TEX11: variants seen among roughly 807,000 people sequenced by gnomAD.
TEX11 encodes testis-expressed protein 11.
In TEX11, 7 loss-of-function variants were observed where a neutral mutation model predicts 84.4. That is an observed-to-expected ratio of 0.08 (90% CI 0.05 to 0.16). TEX11 has a LOEUF of 0.16. Among genes scored for constraint, TEX11 ranks in the 10% least tolerant of loss-of-function variants. The pLI is 1.00. For missense variants in TEX11, 551 were observed against 660.5 expected (o/e 0.83, Z 1.82); for synonymous variants, 264 against 222.8 (o/e 1.18, Z -1.64).
intron 17 of TEX11, among the ~76,000 whole-genome samples, chrX:70,642,361 T>A (rs1447482512): frequency 9.0e-6 from 1 of 111,358 alleles, no homozygotes; most frequent in Non-Finnish European, 1.9e-5. Context: ...CCGGTACCAT[T>A]CCTTCTGAAA....
intron 17 of TEX11, among the ~76,000 whole-genome samples, chrX:70,650,547 T>C (rs1408043830): frequency 9.0e-6 from 1 of 111,573 alleles, no homozygotes; most frequent in African/African-American, 3.3e-5. Flanking sequence ...ATGATGAACA[T>C]GACAGCAATA....
At chrX:70,523,401 C>T in the TEX11 span, among the ~76,000 whole-genome samples, 9 of 111,662 alleles carry the variant, frequency 8.1e-5, no homozygotes, top group South Asian at 3.4e-3. Context: ...GATCGCTAAA[C>T]TGGTGTTTGT....
chrX:70,871,254 AT>A (rs1486679667), intron 4 of TEX11, among the ~76,000 whole-genome samples: 1 of 111,683 alleles, frequency 9.0e-6, no homozygotes, highest in East Asian at 2.8e-4. Flanking sequence ...ACTGCTCTTT[AT>A]TTTTTTCCTC....
chrX:70,790,028 G>T (rs141662564), intron 9 of TEX11, among the ~76,000 whole-genome samples: 1,799 of 112,301 alleles, frequency 0.016, 24 homozygotes, highest in African/African-American at 0.055. Flanking sequence ...AATAAGTCCA[G>T]CACGGAGAGT....
the TEX11 span, among the ~76,000 whole-genome samples, chrX:70,515,883 AT>A: frequency 8.9e-6 from 1 of 112,196 alleles, no homozygotes; most frequent in African/African-American, 3.2e-5. Flanking sequence ...GATGATGAGC[AT>A]TTTTTCATGT....
At chrX:70,544,616 G>C (rs2088090996) in intron 28 of TEX11, among the ~76,000 whole-genome samples, 1 of 107,857 alleles carries the variant, frequency 9.3e-6, no homozygotes, top group African/African-American at 3.4e-5. Flanking sequence ...GAGGCGGATG[G>C]ATCACTTGAG....
intron 8 of TEX11, among the ~76,000 whole-genome samples, chrX:70,829,699 G>C (rs775759732): frequency 9.1e-6 from 1 of 110,035 alleles, no homozygotes; most frequent in East Asian, 2.8e-4. Flanking sequence ...TTAAAGTGTA[G>C]AGTTTTTATT....
chrX:70,833,604 T>A lies in TEX11; in HGVS notation c.526-11A>T. On this transcript the variant is annotated splice_polypyrimidine_tract_variant and intron_variant, in intron 7 of 29. Coordinates refer to ENST00000374333, the MANE Select transcript of TEX11 (RefSeq NM_031276.3). ...CCCTTGAGCAACTGCCTGAAAAAGA[T>A]AAAGAATGTCAATAATTGGTTAAAA... The A allele has an allele frequency of 8.5e-7, 1 of 1,173,024 alleles. No individual in the cohort carries two copies. Among genetic ancestry groups the A allele is most frequent in the South Asian group, 1.8e-5 (1 of 54,086 alleles).
chrX:70,655,571 A>T (rs2089856752), intron 16 of TEX11, among the ~76,000 whole-genome samples: 1 of 111,790 alleles, frequency 8.9e-6, no homozygotes, highest in South Asian at 3.7e-4. Context: ...GAACATCTGT[A>T]CATATATGTA....
At chrX:70,714,199 G>A (rs2090471650) in intron 13 of TEX11, among the ~76,000 whole-genome samples, 1 of 110,912 alleles carries the variant, frequency 9.0e-6, no homozygotes, top group African/African-American at 3.3e-5. Context: ...GCTGAGGAGT[G>A]CTTTACTTCC....
intron 9 of TEX11, among the ~76,000 whole-genome samples, chrX:70,782,626 C>T (rs1171948766): frequency 1.9e-5 from 1 of 53,039 alleles, no homozygotes; most frequent in Non-Finnish European, 3.0e-5. Context: ...AGAGGAAGAT[C>T]TACCAAGCAA....
intron 9 of TEX11, among the ~76,000 whole-genome samples, chrX:70,780,035 G>C (rs1320842992): frequency 6.3e-5 from 7 of 111,416 alleles, no homozygotes; most frequent in African/African-American, 2.3e-4. Flanking sequence ...GGGAGGCCGA[G>C]GTGTGCAGAT....
chrX:70,662,031 G>A (rs1055697800), intron 16 of TEX11, among the ~76,000 whole-genome samples: 2 of 112,127 alleles, frequency 1.8e-5, no homozygotes, highest in Admixed American at 9.5e-5. Context: ...TGACTTTGAC[G>A]AGTTGAGAGA....
chrX:70,607,065 A>G (rs1157547811), intron 22 of TEX11, 36 bp from the exon 23 acceptor site: 2 of 1,063,590 alleles, frequency 1.9e-6, no homozygotes, highest in East Asian at 6.1e-5. Context: ...ATAATATGAA[A>G]TTATGAAAAT....
chrX:70,887,969 C>T (rs1464709624), intron 2 of TEX11, among the ~76,000 whole-genome samples: 1 of 113,083 alleles, frequency 8.8e-6, no homozygotes, highest in Non-Finnish European at 1.9e-5. Flanking sequence ...TGGAAGGCCA[C>T]CAAGGTGGTA....
chrX:70,751,539 C>T (rs1327834587), intron 9 of TEX11, among the ~76,000 whole-genome samples: 2 of 106,217 alleles, frequency 1.9e-5, no homozygotes, highest in African/African-American at 6.9e-5. Context: ...TGTTAAATGA[C>T]GAGTTACTGT....
intron 25 of TEX11, among the ~76,000 whole-genome samples, chrX:70,589,204 G>A (rs948908686): frequency 9.1e-6 from 1 of 109,781 alleles, no homozygotes; most frequent in Admixed American, 9.8e-5. Flanking sequence ...TTTTCCAATA[G>A]GGAATTTTAC....
chrX:70,679,066 C>G (rs1438257400), intron 14 of TEX11, among the ~76,000 whole-genome samples, 177 bp from the exon 15 acceptor site: 4 of 112,596 alleles, frequency 3.6e-5, no homozygotes, highest in South Asian at 3.6e-4. Context: ...AGCCTGCCGA[C>G]TGCCTGCGAT....
intron 24 of TEX11, among the ~76,000 whole-genome samples, chrX:70,593,085 A>G (rs867002072): frequency 1.3e-4 from 13 of 102,874 alleles, no homozygotes; most frequent in African/African-American, 4.5e-4. Context: ...ACACACACAC[A>G]CACACACACA....
Sources: gnomAD v4.1 joint callset for allele counts (sites outside exome capture counted in the v4.1 genomes callset) on GRCh38, gnomAD v4.1.1 for gene constraint, MANE v1.5 for transcripts, NCBI Gene and HGNC (gene_info 2026-07-23, HGNC 2026-07-21) for gene names.